The following EPHA2 variants were observed in gnomAD, a reference collection of about 807,000 sequenced individuals.
EPHA2 encodes EPH receptor A2, also known as ephrin type-A receptor 2.
EPHA2 carries 54 observed loss-of-function variants against 104.9 expected under a neutral mutation model. That is an observed-to-expected ratio of 0.51 (90% confidence interval 0.41 to 0.65). The LOEUF is 0.65. Ranked by LOEUF, EPHA2 falls within the 30% of genes least tolerant of loss-of-function variation. The probability of loss-of-function intolerance (pLI) is 0.00; values close to 1 mark genes in which losing one functional copy is unlikely to be tolerated. For synonymous variants in EPHA2, 560 were observed against 559.1 expected, an observed-to-expected ratio of 1.00 and a Z score of -0.02; for missense variants, 1,117 against 1,369.5, an observed-to-expected ratio of 0.82 and a Z score of 2.91.
Position 16,125,174 on chromosome 1 carries a change from C to A in EPHA2, c.*41G>T. The A allele has an allele frequency of 6.3e-7, 1 of 1,582,462 alleles. No homozygotes were observed. The highest frequency in any genetic ancestry group is 8.7e-7 in the Non-Finnish European group (1 of 1,154,726). On this transcript the variant is annotated 3_prime_UTR_variant, in exon 17 of 17. Coordinates refer to ENST00000358432, the MANE Select transcript of EPHA2 (RefSeq NM_004431.5). The surrounding 1 kb of genome is among the most constrained non-coding windows in gnomAD (Gnocchi z 4.9). The stretch of plus-strand genomic sequence containing the variant: ...CAGCAGGGAGGCCACTCTGTTTCTT[C>A]AAGTATTCTTGGCCGATGGGGCTCC...
chr1:16,146,135 C>G (rs1339544663), intron 3 of EPHA2, among the ~76,000 whole-genome samples: 1 of 152,182 alleles, frequency 6.6e-6, no homozygotes, highest in Admixed American at 6.5e-5. Flanking sequence ...CGCGCACCGG[C>G]ACCCAGCCAC....
intron 3 of EPHA2, 40 bp from the exon 4 acceptor site, chr1:16,138,470 T>C: frequency 6.2e-6 from 10 of 1,612,328 alleles, no homozygotes; most frequent in Non-Finnish European, 8.5e-6. Context: ...GGACATCAGT[T>C]CAATCTGCTT....
At chr1:16,154,823 C>G (rs886352866) in intron 1 of EPHA2, among the ~76,000 whole-genome samples, 9 of 152,032 alleles carry the variant, frequency 5.9e-5, no homozygotes, top group African/African-American at 1.9e-4. Context: ...CCGGCTTCCC[C>G]CTTGTGGAGC....
intron 3 of EPHA2, among the ~76,000 whole-genome samples, chr1:16,138,908 A>G (rs11260743): frequency 0.15 from 22,700 of 151,992 alleles, 2,144 homozygotes; most frequent in African/African-American, 0.25. Context: ...GTTGACTGTC[A>G]CCACCACCCT....
At chr1:16,126,496 G>A (rs1570391978) in intron 16 of EPHA2, among the ~76,000 whole-genome samples, 2 of 152,332 alleles carry the variant, frequency 1.3e-5, no homozygotes, top group Middle Eastern at 6.8e-3. Flanking sequence ...GGGGACTCCA[G>A]GACCTCCCGC....
chr1:16,148,588 G>A lies in EPHA2; in HGVS notation c.613C>T (p.Leu205=), dbSNP rs1189234852. The change falls in exon 3 of 17, where the codon CTG becomes TTG. Residue 205 remains leucine (L), a synonymous_variant. Coordinates refer to ENST00000358432, the MANE Select transcript of EPHA2 (RefSeq NM_004431.5). The surrounding 1 kb of genome is among the most constrained non-coding windows in gnomAD (Gnocchi z 4.9). Reference sequence around the variant, plus strand: ...TCAGGGAAGTGGGCCAGGCCCTGCAGCAGCTCGGGGCACTTCTTGTAGTAG... The same window carrying A: ...TCAGGGAAGTGGGCCAGGCCCTGCAACAGCTCGGGGCACTTCTTGTAGTAG... ...RVYYKKCPEL[L]QGLAHFPETI... 3 of 1,610,588 alleles carry A rather than the reference G, an allele frequency of 1.9e-6. No individual in the cohort carries two copies. In the Admixed American group the frequency reaches 5.0e-5, roughly 27 times the overall value.
At chr1:16,154,440 C>T (rs113436053) in intron 1 of EPHA2, among the ~76,000 whole-genome samples, 42 of 152,170 alleles carry the variant, frequency 2.8e-4, no homozygotes, top group African/African-American at 1.0e-3. Flanking sequence ...AACCTCCAAA[C>T]CCAGTTTGGG....
intron 3 of EPHA2, among the ~76,000 whole-genome samples, chr1:16,146,785 C>T (rs1366887153): frequency 6.6e-6 from 1 of 152,236 alleles, no homozygotes; most frequent in Non-Finnish European, 1.5e-5. Flanking sequence ...TAGGGCCCAT[C>T]ACAAAGGGCT....
chr1:16,151,211 G>C (rs1250435625), intron 1 of EPHA2, among the ~76,000 whole-genome samples: 1 of 152,222 alleles, frequency 6.6e-6, no homozygotes, highest in Non-Finnish European at 1.5e-5. Context: ...CAGTCTCCCA[G>C]GCCAGGATTC....
chr1:16,147,301 C>T (rs1273902035), intron 3 of EPHA2, among the ~76,000 whole-genome samples: 1 of 152,138 alleles, frequency 6.6e-6, no homozygotes, highest in East Asian at 1.9e-4. Flanking sequence ...AAATTTGTGG[C>T]CCTGGGGACA....
chr1:16,132,559 G>A (rs2024595402), intron 11 of EPHA2, 120 bp from the exon 12 acceptor site: 3 of 1,089,796 alleles, frequency 2.8e-6, no homozygotes, highest in African/African-American at 1.6e-5. Flanking sequence ...GTGGGGAGAG[G>A]TGGAACAGGT....
intron 3 of EPHA2, among the ~76,000 whole-genome samples, chr1:16,145,351 G>A (rs1427335936): frequency 1.3e-5 from 2 of 152,250 alleles, no homozygotes; most frequent in Admixed American, 6.5e-5. Flanking sequence ...CGGGCAGCGT[G>A]CCCACCTGCC....
chr1:16,134,638 A>G lies in EPHA2; in HGVS notation c.1583-71T>C. 1 of 1,495,742 alleles carries G rather than the reference A, an allele frequency of 6.7e-7. No individual in the cohort carries two copies. The highest frequency in any genetic ancestry group is 9.2e-7 in the Non-Finnish European group (1 of 1,088,026). 92.7% of individuals were successfully genotyped at this position (1,495,742 alleles called of 1,614,324 possible). On this transcript the variant is annotated intron_variant, in intron 7 of 16. Transcript: ENST00000358432. This position sits in a 1 kb window ranked among gnomAD's most constrained non-coding sequence, Gnocchi z 4.5. Reference sequence around the variant, plus strand: ...TACAGCAACACCCGCGCTGCACCCAAGACACCTGGGCCCCTACTGTGTGCT... The same window carrying G: ...TACAGCAACACCCGCGCTGCACCCAGGACACCTGGGCCCCTACTGTGTGCT...
intron 1 of EPHA2, among the ~76,000 whole-genome samples, chr1:16,152,205 G>A (rs1231070126): frequency 6.6e-6 from 1 of 152,236 alleles, no homozygotes; most frequent in East Asian, 1.9e-4. Flanking sequence ...CTCAAGGCCA[G>A]GACCGGAGAA....
In EPHA2 at chr1:16,135,740, C is replaced by T. The variant is rs779876865; in HGVS notation, c.1343G>A (p.Ser448Asn). The T allele has an allele frequency of 3.7e-6, 6 of 1,613,160 alleles. No homozygotes were observed. The highest frequency in any genetic ancestry group is 4.5e-5 in the East Asian group (2 of 44,878). ...EPPKVRLEGR[S>N]TTSLSVSWSI... Reference sequence around the variant, plus strand: ...CCAGGAGACGCTAAGCGAGGTGGTGCTGCGGCCCTCCAGCCTCACCTTGGG... The same window carrying T: ...CCAGGAGACGCTAAGCGAGGTGGTGTTGCGGCCCTCCAGCCTCACCTTGGG... The change falls in exon 6 of 17, where the codon AGC becomes AAC. Residue 448 changes from serine to asparagine, a missense_variant. By Grantham distance (46) the Ser-to-Asn change is conservative. Transcript: ENST00000358432. This position sits in a 1 kb window ranked among gnomAD's most constrained non-coding sequence, Gnocchi z 4.3.
Position 16,130,861 on chromosome 1 carries a change from C to A in EPHA2, c.2476-442G>T, listed in dbSNP as rs1557502205. 6.6e-6 allele frequency among the ~76,000 whole-genome samples: 1 copy of A among 152,110 alleles called. No homozygotes were observed. Among genetic ancestry groups the A allele is most frequent in the Non-Finnish European group, 1.5e-5 (1 of 68,020 alleles). On this transcript the variant is annotated intron_variant, in intron 14 of 16. Coordinates refer to ENST00000358432, the MANE Select transcript of EPHA2 (RefSeq NM_004431.5). The surrounding 1 kb of genome is among the most constrained non-coding windows in gnomAD (Gnocchi z 4.5). ...TCCAGGCTGGTCTCGAACTCCTGAG[C>A]TCAAGCGATACTCCTGCCTCAGCCT...
Position 16,125,672 on chromosome 1 carries a change from A to C in EPHA2, c.2826-352T>G, listed in dbSNP as rs1396339616. The stretch of plus-strand genomic sequence containing the variant: ...TTCATCCCCATTTTGCAGATTAGAG[A>C]ACTGAGGTCAGAGAGGTAAAGTGAC... On this transcript the variant is annotated intron_variant, in intron 16 of 16. Coordinates refer to ENST00000358432, the MANE Select transcript of EPHA2 (RefSeq NM_004431.5). The surrounding 1 kb of genome is among the most constrained non-coding windows in gnomAD (Gnocchi z 4.9). 6.6e-6 allele frequency among the ~76,000 whole-genome samples: 1 copy of C among 152,156 alleles called. No homozygotes were observed. Among genetic ancestry groups the C allele is most frequent in the Non-Finnish European group, 1.5e-5 (1 of 68,034 alleles).
rs558371652 is a variant in EPHA2, at chr1:16,148,489, G to C, written c.712C>G (p.Pro238Ala). Residue 238 changes from proline (P) to alanine (A), a missense_variant, in exon 3 of 17, where the codon CCG becomes GCG. Physicochemically the swap from Pro to Ala is conservative, Grantham distance 27. Coordinates refer to ENST00000358432, the MANE Select transcript of EPHA2 (RefSeq NM_004431.5). The surrounding 1 kb of genome is among the most constrained non-coding windows in gnomAD (Gnocchi z 4.9). ...GTCVDHAVVP[P>A]GGEEPRMHCA... ...TGCATACGGGGCTCTTCACCCCCCG[G>C]TGGCACCACGGCATGGTCCACACAG... The C allele has an allele frequency of 9.9e-6, 16 of 1,613,836 alleles. No individual in the cohort carries two copies. In the African/African-American group the frequency reaches 1.2e-4, roughly 12 times the overall value.
At chr1:16,126,729 A>T (rs530792391) in intron 16 of EPHA2, among the ~76,000 whole-genome samples, 8 of 152,296 alleles carry the variant, frequency 5.3e-5, no homozygotes, top group African/African-American at 1.9e-4. Flanking sequence ...GATTCACTCG[A>T]TTTGCAGTTC....
Sources: allele counts gnomAD v4.1 joint callset (sites outside exome capture counted in the v4.1 genomes callset), GRCh38; gene constraint gnomAD v4.1.1; non-coding constraint Gnocchi (gnomAD v3.1); transcripts MANE v1.5; gene names NCBI Gene and HGNC (gene_info 2026-07-23, HGNC 2026-07-21).